Variants in KCNH7 observed in about 807,000 individuals in gnomAD.
KCNH7 encodes the protein voltage-gated inwardly rectifying potassium channel KCNH7.
A neutral mutation model predicts 120.8 loss-of-function variants in KCNH7; 49 were observed. That is an observed-to-expected ratio of 0.41 (90% CI 0.32 to 0.51). The LOEUF is 0.51. Ranked by LOEUF, KCNH7 falls within the 20% of genes least tolerant of loss-of-function variation. KCNH7 has a pLI of 0.38. For synonymous variants in KCNH7, 547 were observed against 516.1 expected, an observed-to-expected ratio of 1.06 and a Z score of -0.81; for missense variants, 1,097 against 1,446.6, an observed-to-expected ratio of 0.76 and a Z score of 3.92.
intron 2 of KCNH7, among the ~76,000 whole-genome samples, chr2:162,803,246 C>A (rs1404765565): frequency 6.6e-6 from 1 of 151,526 alleles, no homozygotes; most frequent in African/African-American, 2.4e-5. Flanking sequence ...GTTCAATTTC[C>A]ATAAGTGAGG....
chr2:162,434,006 A>T (rs772815012), intron 8 of KCNH7, among the ~76,000 whole-genome samples: 3 of 152,110 alleles, frequency 2.0e-5, no homozygotes, highest in Non-Finnish European at 4.4e-5. Flanking sequence ...AAACCGGATA[A>T]ATAAAACGTA....
At chr2:162,713,582 A>AGCATAAT (rs1400355046) in intron 2 of KCNH7, among the ~76,000 whole-genome samples, 1 of 152,210 alleles carries the variant, frequency 6.6e-6, no homozygotes, top group East Asian at 1.9e-4. Context: ...AGTATATATA[A>AGCATAAT]GCATAATGGT....
chr2:162,748,913 T>TC lies in KCNH7; in HGVS notation c.307+87623dup, dbSNP rs1221805964. 1.3e-3 allele frequency among the ~76,000 whole-genome samples: 90 copies of TC among 71,616 alleles called. 5 individuals carry two copies. The highest frequency in any genetic ancestry group is 0.011 in the African/African-American group (87 of 7,708). 47.0% of individuals were successfully genotyped at this position (71,616 alleles called of 152,430 possible). On this transcript the variant is annotated intron_variant, in intron 2 of 15. Coordinates refer to ENST00000332142, the MANE Select transcript of KCNH7 (RefSeq NM_033272.4). ...TCCCTTCTTTCCTTCCTTCCTTCCTTCCCTTCCCTTTCCTTTCCTTCCTTC... is the reference window on the plus strand; with the variant it reads ...TCCCTTCTTTCCTTCCTTCCTTCCTTCCCCTTCCCTTTCCTTTCCTTCCTTC...
At chr2:162,732,419 G>A in intron 2 of KCNH7, among the ~76,000 whole-genome samples, 1 of 152,070 alleles carries the variant, frequency 6.6e-6, no homozygotes, top group East Asian at 1.9e-4. Flanking sequence ...TCTTCAAAAG[G>A]TATACTACCT....
chr2:162,637,040 T>C (rs563719755), intron 2 of KCNH7, among the ~76,000 whole-genome samples: 1 of 152,004 alleles, frequency 6.6e-6, no homozygotes, highest in Non-Finnish European at 1.5e-5. Flanking sequence ...ATCAAGAAAA[T>C]TCAATATTGG....
chr2:162,663,419 A>T (rs1344845519), intron 2 of KCNH7, among the ~76,000 whole-genome samples: 4 of 152,146 alleles, frequency 2.6e-5, no homozygotes, highest in African/African-American at 9.7e-5. Flanking sequence ...ATAATTCTTG[A>T]TGATTTACTA....
chr2:162,549,451 T>G (rs1692593371), intron 2 of KCNH7, among the ~76,000 whole-genome samples: 1 of 152,246 alleles, frequency 6.6e-6, no homozygotes, highest in Non-Finnish European at 1.5e-5. Flanking sequence ...GTCAACATGT[T>G]ACCTCTCTTA....
intron 2 of KCNH7, among the ~76,000 whole-genome samples, chr2:162,548,257 C>T (rs986190630): frequency 3.3e-5 from 5 of 152,116 alleles, no homozygotes; most frequent in African/African-American, 7.2e-5. Context: ...GGACACAAGG[C>T]CTTGCAGCAG....
intron 2 of KCNH7, among the ~76,000 whole-genome samples, chr2:162,830,892 G>A (rs188880696): frequency 8.4e-4 from 128 of 152,190 alleles, no homozygotes; most frequent in African/African-American, 2.5e-3. Context: ...CCAAAACTGT[G>A]AGAAATAAAT....
intron 2 of KCNH7, among the ~76,000 whole-genome samples, chr2:162,810,868 G>A (rs553154666): frequency 4.6e-5 from 7 of 151,874 alleles, no homozygotes; most frequent in South Asian, 4.2e-4. Context: ...CCTTCTTTTC[G>A]TAAATTAAAT....
intron 2 of KCNH7, among the ~76,000 whole-genome samples, chr2:162,816,839 T>C (rs1684931640): frequency 6.6e-6 from 1 of 152,158 alleles, no homozygotes; most frequent in Non-Finnish European, 1.5e-5. Flanking sequence ...TTCTAGTATC[T>C]TTCAATGTTG....
In KCNH7 at chr2:162,751,062, T is replaced by C. The variant is rs895002717; in HGVS notation, c.307+85475A>G. On this transcript the variant is annotated intron_variant, in intron 2 of 15. Coordinates refer to ENST00000332142, the MANE Select transcript of KCNH7 (RefSeq NM_033272.4). ...ACAACCGACTATTTCCTGAGCACTCTTACAAGCATAGCATGGTCACAGCAT... is the reference window on the plus strand; with the variant it reads ...ACAACCGACTATTTCCTGAGCACTCCTACAAGCATAGCATGGTCACAGCAT... Among the ~76,000 whole-genome samples the C allele has an allele frequency of 7.2e-5, 11 of 152,318 alleles. No homozygotes were observed. The East Asian group carries it at 1.7e-3, about 24-fold the overall frequency.
intron 2 of KCNH7, among the ~76,000 whole-genome samples, chr2:162,788,988 TAAAAAAAAAAAAAA>T (rs61348204): frequency 9.5e-6 from 1 of 105,164 alleles, no homozygotes; most frequent in Non-Finnish European, 1.9e-5. Context: ...AGGTACTGGT[TAAAAAAAAAAAAAA>T]AAAAAAAAAA....
chr2:162,626,725 C>T (rs1683574436), intron 2 of KCNH7, among the ~76,000 whole-genome samples: 3 of 152,036 alleles, frequency 2.0e-5, no homozygotes, highest in Admixed American at 2.0e-4. Flanking sequence ...TATTAAATAC[C>T]TAGGTAACAC....
chr2:162,673,784 G>A (rs1685442132), intron 2 of KCNH7, among the ~76,000 whole-genome samples: 1 of 151,520 alleles, frequency 6.6e-6, no homozygotes, highest in Non-Finnish European at 1.5e-5. Context: ...ACAAATTAAA[G>A]CAGCAAAACC....
At chr2:162,726,561 A>G (rs903435325) in intron 2 of KCNH7, among the ~76,000 whole-genome samples, 4 of 152,138 alleles carry the variant, frequency 2.6e-5, no homozygotes, top group African/African-American at 9.7e-5. Context: ...CTGGGATTAC[A>G]GGTGCCTGCC....
In KCNH7 at chr2:162,807,283, A is replaced by AG. The variant is rs71009372; in HGVS notation, c.307+29253_307+29254insC. On this transcript the variant is annotated intron_variant, in intron 2 of 15. Coordinates refer to ENST00000332142, the MANE Select transcript of KCNH7 (RefSeq NM_033272.4). ...AAAAAAAAAAAAAAAAAAAAAAAAA[A>AG]CAAATTAGCCAGGTGTGGTGCTGTG... Among the ~76,000 whole-genome samples, 593 of 148,564 alleles carry AG rather than the reference A, an allele frequency of 4.0e-3. 14 individuals carry two copies. Among genetic ancestry groups the AG allele is most frequent in the South Asian group, 0.02 (93 of 4,656 alleles).
chr2:162,738,808 T>A (rs1688011184), intron 2 of KCNH7, among the ~76,000 whole-genome samples: 1 of 152,218 alleles, frequency 6.6e-6, no homozygotes. Context: ...ACATTGTAAT[T>A]GGAATCTCTC....
At chr2:162,757,175 G>A (rs1371590026) in intron 2 of KCNH7, among the ~76,000 whole-genome samples, 1 of 152,028 alleles carries the variant, frequency 6.6e-6, no homozygotes, top group African/African-American at 2.4e-5. Flanking sequence ...AAAAAATGTG[G>A]AATAAAGTAC....
Sources: gnomAD v4.1 joint callset for allele counts (sites outside exome capture counted in the v4.1 genomes callset) on GRCh38, gnomAD v4.1.1 for gene constraint, MANE v1.5 for transcripts, NCBI Gene and HGNC (gene_info 2026-07-23, HGNC 2026-07-21) for gene names.